OPA3: variants seen among roughly 807,000 people sequenced by gnomAD.
OPA3 encodes the protein outer mitochondrial membrane lipid metabolism regulator OPA3.
In OPA3, 6 loss-of-function variants were observed where a neutral mutation model predicts 4.0. The observed-to-expected ratio is 1.51, with a 90% CI of 0.83 to 2.99. The LOEUF is 2.99. Ranked by LOEUF, OPA3 falls within the 30% of genes most tolerant of loss-of-function variation. The probability of loss-of-function intolerance (pLI) is 0.00; values close to 1 mark genes in which losing one functional copy is unlikely to be tolerated. For missense variants in OPA3, 235 were observed against 256.2 expected (o/e 0.92, Z 0.56); for synonymous variants, 105 against 117.1 (o/e 0.90, Z 0.67).
intron 1 of OPA3, among the ~76,000 whole-genome samples, chr19:45,569,946 A>C (rs1466001934): frequency 1.3e-5 from 2 of 152,178 alleles, no homozygotes; most frequent in Non-Finnish European, 1.5e-5. Flanking sequence ...CTTTTGATTT[A>C]AGGTTTGATT....
Position 45,550,883 on chromosome 19 carries a change from C to T in OPA3, c.*2631G>A, listed in dbSNP as rs1969322509. The stretch of plus-strand genomic sequence containing the variant: ...AGTGGCAGATCCTGGAAGAGAAACC[C>T]AGTAGAAAAGGGTGGTTCCTAGACT... On this transcript the variant is annotated 3_prime_UTR_variant, in exon 2 of 2. Coordinates refer to ENST00000263275, the MANE Select transcript of OPA3 (RefSeq NM_025136.4). 6 of 985,926 alleles carry T rather than the reference C, an allele frequency of 6.1e-6. No individual in the cohort carries two copies. Among genetic ancestry groups the T allele is most frequent in the Non-Finnish European group, 6.0e-6 (5 of 830,020 alleles). The allele number at this position is 985,926 out of a possible 1,614,324, so 61.1% of individuals were successfully genotyped here. A position where few individuals can be genotyped will look rare whatever the true frequency, so the allele number is the denominator to read the frequency against.
chr19:45,580,159 G>T (rs537909488), intron 1 of OPA3, among the ~76,000 whole-genome samples: 1 of 151,242 alleles, frequency 6.6e-6, no homozygotes, highest in African/African-American at 2.4e-5. Flanking sequence ...ACCACGCCCA[G>T]CTAATTTTTG....
chr19:45,540,316 C>T (rs1255112202), intron 1 of OPA3, among the ~76,000 whole-genome samples: 2 of 145,278 alleles, frequency 1.4e-5, no homozygotes, highest in Admixed American at 1.4e-4. Context: ...GACTCTGTCT[C>T]AAAAAAAATA....
Position 45,550,788 on chromosome 19 carries a change from C to T in OPA3, c.*2726G>A. 1.0e-6 allele frequency: 1 copy of T among 985,972 alleles called. No homozygotes were observed. Among genetic ancestry groups the T allele is most frequent in the African/African-American group, 1.7e-5 (1 of 57,364 alleles). The allele number at this position is 985,972 out of a possible 1,614,324, so 61.1% of individuals were successfully genotyped here. On this transcript the variant is annotated 3_prime_UTR_variant, in exon 2 of 2. Transcript: ENST00000263275. ...TCAGGATGCCTTCATCACCTTGCAG[C>T]TCCTCTAATGAGAGAGCTACAGTCG...
downstream of OPA3, among the ~76,000 whole-genome samples, chr19:45,545,172 A>AAAC (rs1406177665): frequency 2.0e-5 from 3 of 148,920 alleles, no homozygotes; most frequent in African/African-American, 4.9e-5. Context: ...CTCAAAAAAA[A>AAAC]AAAAAACAAA....
intron 1 of OPA3, among the ~76,000 whole-genome samples, chr19:45,583,894 G>A (rs968223274): frequency 7.9e-5 from 12 of 152,168 alleles, no homozygotes; most frequent in South Asian, 4.1e-4. Context: ...TCTGAGCTCC[G>A]GGGCTCCCAC....
chr19:45,543,359 T>C (rs1325459378), downstream of OPA3, among the ~76,000 whole-genome samples: 16 of 143,214 alleles, frequency 1.1e-4, no homozygotes, highest in African/African-American at 1.6e-4. Flanking sequence ...CTCGCTCTGT[T>C]GCCCAGGCTG....
chr19:45,544,450 G>C (rs916291269), downstream of OPA3, among the ~76,000 whole-genome samples: 1 of 151,930 alleles, frequency 6.6e-6, no homozygotes, highest in Non-Finnish European at 1.5e-5. Flanking sequence ...ACCTGAGGTC[G>C]GGAGTTCGAG....
At chr19:45,565,643 T>C (rs1443819185) in intron 1 of OPA3, among the ~76,000 whole-genome samples, 1 of 152,084 alleles carries the variant, frequency 6.6e-6, no homozygotes, top group Non-Finnish European at 1.5e-5. Context: ...TTTAGTCTAA[T>C]TACGGCTAAT....
Position 45,584,723 on chromosome 19 carries a change from C to T in OPA3, c.42G>A (p.Leu14=), listed in dbSNP as rs779592921. 6.2e-7 allele frequency: 1 copy of T among 1,614,196 alleles called. No homozygotes were observed. The highest frequency in any genetic ancestry group is 8.5e-7 in the Non-Finnish European group (1 of 1,180,048). Residue 14 remains leucine, a synonymous_variant, in exon 1 of 2, where the codon TTG becomes TTA. Transcript: ENST00000263275. ...GAFPMAKLLY[L]GIRQVSKPLA... ...GCGGCTTGCTGACCTGCCGGATGCCCAAGTATAGCAGCTTCGCCATAGGGA... is the reference window on the plus strand; with the variant it reads ...GCGGCTTGCTGACCTGCCGGATGCCTAAGTATAGCAGCTTCGCCATAGGGA...
chr19:45,535,574 G>T (rs1969106649), intron 1 of OPA3, among the ~76,000 whole-genome samples: 2 of 151,672 alleles, frequency 1.3e-5, no homozygotes, highest in Non-Finnish European at 2.9e-5. Context: ...GTTCAGGCTG[G>T]TCTCGAACTC....
chr19:45,549,432 G>C lies in OPA3; in HGVS notation c.*4082C>G, dbSNP rs1361580564. The C allele has an allele frequency of 2.0e-6, 2 of 985,204 alleles. No individual in the cohort carries two copies. Among genetic ancestry groups the C allele is most frequent in the Non-Finnish European group, 2.4e-6 (2 of 829,970 alleles). 61.0% of individuals were successfully genotyped at this position (985,204 alleles called of 1,614,324 possible). On this transcript the variant is annotated 3_prime_UTR_variant, in exon 2 of 2. Coordinates refer to ENST00000263275, the MANE Select transcript of OPA3 (RefSeq NM_025136.4). ...GAGAGCAGCACTCCATCTGGGTCAG[G>C]ACAGCGCTGGGGTCAGGAATTGGAG...
At chr19:45,536,639 A>T (rs1399720779) in intron 1 of OPA3, among the ~76,000 whole-genome samples, 2 of 152,138 alleles carry the variant, frequency 1.3e-5, no homozygotes, top group African/African-American at 4.8e-5. Flanking sequence ...ACCAGATATA[A>T]AGCTATCATA....
intron 1 of OPA3, among the ~76,000 whole-genome samples, chr19:45,569,722 G>A (rs960680045): frequency 2.0e-5 from 3 of 151,732 alleles, no homozygotes; most frequent in African/African-American, 4.8e-5. Flanking sequence ...CTGACCACCC[G>A]CCCCTCCATA....
intron 1 of OPA3, among the ~76,000 whole-genome samples, chr19:45,537,223 C>T (rs904874957): frequency 2.0e-5 from 3 of 151,650 alleles, no homozygotes; most frequent in Non-Finnish European, 2.9e-5. Flanking sequence ...GAGTCTCGCT[C>T]TGTCGCCCAG....
Position 45,560,206 on chromosome 19 carries a change from C to T in OPA3, c.143-6295G>A, listed in dbSNP as rs189162815. 2.2e-4 allele frequency among the ~76,000 whole-genome samples: 33 copies of T among 151,928 alleles called. No individual in the cohort carries two copies. In the East Asian group the frequency reaches 2.9e-3, roughly 13 times the overall value. On this transcript the variant is annotated intron_variant, in intron 1 of 1. Coordinates refer to ENST00000263275, the MANE Select transcript of OPA3 (RefSeq NM_025136.4). ...ACTCCCTTTCATCTGTCTTCCATAC[C>T]GGAGAATCCCAACTCAGATGTCCCC...
intron 1 of OPA3, among the ~76,000 whole-genome samples, chr19:45,574,408 A>G (rs1057026729): frequency 5.9e-5 from 9 of 151,662 alleles, no homozygotes; most frequent in African/African-American, 1.2e-4. Context: ...AAAAAAAAAA[A>G]AAAAAAGAAA....
In OPA3 at chr19:45,553,780, C is replaced by T. The variant is rs752893027; in HGVS notation, c.274G>A (p.Val92Met). The change falls in exon 2 of 2, where the codon GTG (valine) becomes ATG (methionine). Residue 92 changes from valine (V) to methionine (M), a missense_variant. Physicochemically the swap from Val to Met is conservative, Grantham distance 21. Coordinates refer to ENST00000263275, the MANE Select transcript of OPA3 (RefSeq NM_025136.4). ...ELLGEATIFI[V>M]GGGCLVLEYW... ...TCCAGCACTAGGCAGCCGCCGCCCACGATGAAGATGGTGGCTTCGCCCAGC... is the reference window on the plus strand; with the variant it reads ...TCCAGCACTAGGCAGCCGCCGCCCATGATGAAGATGGTGGCTTCGCCCAGC... The T allele has an allele frequency of 6.2e-7, 1 of 1,613,178 alleles. No individual in the cohort carries two copies. The highest frequency in any genetic ancestry group is 1.7e-5 in the Admixed American group (1 of 59,986).
chr19:45,561,841 T>A (rs906899448), intron 1 of OPA3, among the ~76,000 whole-genome samples: 2 of 151,764 alleles, frequency 1.3e-5, no homozygotes, highest in Non-Finnish European at 2.9e-5. Context: ...CCCGGGAGGC[T>A]GAGGCAAGAC....
Sources: allele counts gnomAD v4.1 joint callset (sites outside exome capture counted in the v4.1 genomes callset), GRCh38; gene constraint gnomAD v4.1.1; transcripts MANE v1.5; gene names NCBI Gene and HGNC (gene_info 2026-07-23, HGNC 2026-07-21).